The following ABCA13 variants were observed in gnomAD, a reference collection of about 807,000 sequenced individuals.
ABCA13 encodes the protein ATP binding cassette subfamily A member 13, also known as ATP-binding cassette sub-family A member 13.
In ABCA13, 476 loss-of-function variants were observed where a neutral mutation model predicts 478.7. The ratio of observed to expected loss-of-function variants is 0.99; its 90% CI spans 0.92 to 1.07. The LOEUF is 1.07. Among genes scored for constraint, ABCA13 ranks in the 50% least tolerant of loss-of-function variants. The probability of loss-of-function intolerance (pLI) is 0.00; values close to 1 mark genes in which losing one functional copy is unlikely to be tolerated. For synonymous variants in ABCA13, 2,252 were observed against 2,158.9 expected, an observed-to-expected ratio of 1.04 and a Z score of -1.20; for missense variants, 6,060 against 5,910.6, an observed-to-expected ratio of 1.03 and a Z score of -0.83.
In ABCA13 at chr7:48,507,866, C is replaced by T; in HGVS notation, c.13347-6C>T. The T allele has an allele frequency of 6.3e-7, 1 of 1,599,680 alleles. No individual in the cohort carries two copies. The highest frequency in any genetic ancestry group is 1.1e-5 in the South Asian group (1 of 88,842). On this transcript the variant is annotated splice_polypyrimidine_tract_variant and splice_region_variant and intron_variant, in intron 49 of 61. Coordinates refer to ENST00000435803, the MANE Select transcript of ABCA13 (RefSeq NM_152701.5). ...GTGCCTGAGAGCTGCTCTGTTCCACCCGCAGCCTGGAGAGCATCCGTCAGT... is the reference window on the plus strand; with the variant it reads ...GTGCCTGAGAGCTGCTCTGTTCCACTCGCAGCCTGGAGAGCATCCGTCAGT...
At chr7:48,444,997 C>T (rs1290261703) in intron 42 of ABCA13, among the ~76,000 whole-genome samples, 8 of 141,298 alleles carry the variant, frequency 5.7e-5, no homozygotes, top group African/African-American at 2.2e-4. Flanking sequence ...CTTTCTTTCT[C>T]TCTTTCTTTC....
At chr7:48,263,696 G>A (rs893207235) in intron 15 of ABCA13, among the ~76,000 whole-genome samples, 1 of 151,114 alleles carries the variant, frequency 6.6e-6, no homozygotes, top group Non-Finnish European at 1.5e-5. Flanking sequence ...CAGGGAATTT[G>A]ATATGGAAGA....
chr7:48,293,096 C>A (rs889316341), intron 20 of ABCA13, among the ~76,000 whole-genome samples: 4 of 151,910 alleles, frequency 2.6e-5, no homozygotes, highest in Non-Finnish European at 5.9e-5. Flanking sequence ...TAGTTCCCCC[C>A]ACAGTGAGAT....
At chr7:48,234,176 C>T (rs1418121973) in intron 8 of ABCA13, 25 bp downstream of exon 8, 6 of 1,613,672 alleles carry the variant, frequency 3.7e-6, no homozygotes, top group Non-Finnish European at 3.4e-6. Context: ...CTGCTTCTCA[C>T]ACCGCTGGGC....
At chr7:48,450,697 AT>A (rs993700316) in intron 42 of ABCA13, among the ~76,000 whole-genome samples, 95 of 152,030 alleles carry the variant, frequency 6.2e-4, no homozygotes, top group African/African-American at 2.1e-3. Flanking sequence ...ACCCTCCCTC[AT>A]TTTTTGGTTA....
chr7:48,218,042 AT>A (rs1200760314), intron 3 of ABCA13, among the ~76,000 whole-genome samples: 1 of 152,098 alleles, frequency 6.6e-6, no homozygotes, highest in Admixed American at 6.5e-5. Context: ...TTTAATCAGG[AT>A]TTTCTATGTA....
At chr7:48,460,744 G>A (rs965976210) in intron 43 of ABCA13, among the ~76,000 whole-genome samples, 2 of 152,194 alleles carry the variant, frequency 1.3e-5, no homozygotes, top group African/African-American at 4.8e-5. Flanking sequence ...ATCACTTGGT[G>A]TTCTGTAAAA....
intron 58 of ABCA13, among the ~76,000 whole-genome samples, chr7:48,612,470 T>A (rs987709688): frequency 6.6e-6 from 1 of 152,224 alleles, no homozygotes; most frequent in African/African-American, 2.4e-5. Context: ...ACAGTCATAC[T>A]TTTTTGTGTG....
chr7:48,338,392 A>C lies in ABCA13; in HGVS notation c.10141A>C (p.Asn3381His). Reference protein sequence around the residue: ...QEALRNKFVRNFVENQLHIDV... With the variant: ...QEALRNKFVRHFVENQLHIDV... The stretch of plus-strand genomic sequence containing the variant: ...GGCCCTGAGAAACAAATTTGTAAGA[A>C]ACTTTGTAGAAAACCAGTTGCACAT... Residue 3381 changes from asparagine (N) to histidine (H), a missense_variant, in exon 29 of 62, where the codon AAC becomes CAC. By Grantham distance (68) the Asn-to-His change is moderately conservative. Coordinates refer to ENST00000435803, the MANE Select transcript of ABCA13 (RefSeq NM_152701.5). 1 of 1,601,116 alleles carries C rather than the reference A, an allele frequency of 6.2e-7. No homozygotes were observed. Among genetic ancestry groups the C allele is most frequent in the South Asian group, 1.1e-5 (1 of 87,956 alleles).
chr7:48,320,513 C>T (rs533026505), intron 27 of ABCA13, among the ~76,000 whole-genome samples: 2 of 152,258 alleles, frequency 1.3e-5, no homozygotes, highest in East Asian at 3.9e-4. Flanking sequence ...ATTTCCATGT[C>T]ATTAGTCAAG....
At position 48,276,572 on chromosome 7, in the gene ABCA13, A is replaced by C; in HGVS notation, c.6899+7A>C. The C allele has an allele frequency of 6.2e-7, 1 of 1,608,634 alleles. No individual in the cohort carries two copies. The highest frequency in any genetic ancestry group is 8.5e-7 in the Non-Finnish European group (1 of 1,177,708). On this transcript the variant is annotated splice_region_variant and intron_variant, in intron 17 of 61. Coordinates refer to ENST00000435803, the MANE Select transcript of ABCA13 (RefSeq NM_152701.5). ...ATGTTATTGCAGAGATGAGGTGAGT[A>C]TACTTTTGCTTTGTGTCATATATGC...
rs748159899 is a variant in ABCA13 at position 48,274,953 on chromosome 7, A to G, written c.5287A>G (p.Lys1763Glu). Residue 1763 changes from lysine (K) to glutamate (E), a missense_variant, in exon 17 of 62, where the codon AAA (lysine) becomes GAA (glutamate). Physicochemically the swap from Lys to Glu is moderately conservative, Grantham distance 56. Coordinates refer to ENST00000435803, the MANE Select transcript of ABCA13 (RefSeq NM_152701.5). ...AAGGCTCCTGCAGGGAGTACCTGGT[A>G]AAAACATCACTGAAGGCCTCAAGGA... ...AVRLLQGVPG[K>E]NITEGLKDVY... 2 of 1,613,826 alleles carry G rather than the reference A, an allele frequency of 1.2e-6. No individual in the cohort carries two copies. The highest frequency in any genetic ancestry group is 1.7e-6 in the Non-Finnish European group (2 of 1,179,712).
chr7:48,511,452 A>G (rs749939530), intron 51 of ABCA13, among the ~76,000 whole-genome samples: 1 of 152,138 alleles, frequency 6.6e-6, no homozygotes, highest in South Asian at 2.1e-4. Flanking sequence ...CTGTTTGACA[A>G]ACTTGTGCAG....
In ABCA13 at chr7:48,376,410, G is replaced by A. The variant is rs574753240; in HGVS notation, c.11204-31G>A. On this transcript the variant is annotated intron_variant, in intron 34 of 61. Transcript: ENST00000435803. ...AATCTACCATAAAAGAGCTTGTGCA[G>A]TTCTAACTCTGACCTTTTTCTTCCT... 8.7e-6 allele frequency: 14 copies of A among 1,610,380 alleles called. No individual in the cohort carries two copies. The African/African-American group carries it at 1.7e-4, about 20-fold the overall frequency.
At chr7:48,194,583 G>A (rs1331455472) in intron 2 of ABCA13, among the ~76,000 whole-genome samples, 1 of 152,104 alleles carries the variant, frequency 6.6e-6, no homozygotes, top group Non-Finnish European at 1.5e-5. Flanking sequence ...AGAAATAGTG[G>A]CCTGCTTTGT....
In ABCA13 at chr7:48,419,783, C is replaced by T. The variant is rs141433304; in HGVS notation, c.12459+7200C>T. Reference sequence around the variant, plus strand: ...TTGATTTACTAGATTTTACGTATCTCTCTTTTTCCACATCTCTCACACACA... The same window carrying T: ...TTGATTTACTAGATTTTACGTATCTTTCTTTTTCCACATCTCTCACACACA... On this transcript the variant is annotated intron_variant, in intron 41 of 61. Coordinates refer to ENST00000435803, the MANE Select transcript of ABCA13 (RefSeq NM_152701.5). Among the ~76,000 whole-genome samples, 115 of 152,252 alleles carry T rather than the reference C, an allele frequency of 7.6e-4. 3 individuals carry two copies. The highest frequency in any genetic ancestry group is 2.6e-3 in the African/African-American group (109 of 41,556).
chr7:48,449,704 T>A (rs543873707), intron 42 of ABCA13, among the ~76,000 whole-genome samples: 10 of 152,248 alleles, frequency 6.6e-5, no homozygotes, highest in African/African-American at 2.2e-4. Flanking sequence ...TCTATTTCCC[T>A]GACTTGGTGA....
chr7:48,458,444 C>T (rs569374799), intron 43 of ABCA13, among the ~76,000 whole-genome samples: 2 of 152,278 alleles, frequency 1.3e-5, no homozygotes, highest in South Asian at 2.1e-4. Flanking sequence ...GGGTAACTCC[C>T]TGTTGATAGA....
At position 48,249,283 on chromosome 7, in the gene ABCA13, T is replaced by C; in HGVS notation, c.1937T>C (p.Phe646Ser). ...TATTATTGGAAAGCCTTCAAAAAGT[T>C]TATCAGGAAGACTTGCGAAGTGGCC... ...QAYYWKAFKK[F>S]IRKTCEVAQY... Residue 646 changes from phenylalanine (F) to serine (S), a missense_variant, in exon 15 of 62, where the codon TTT becomes TCT. By Grantham distance (155) the Phe-to-Ser change is radical. Around this residue, in one of 3 missense-constraint regions of ABCA13, gnomAD observed 4,423 missense variants for 4,309.1 expected, o/e 1.03. Coordinates refer to ENST00000435803, the MANE Select transcript of ABCA13 (RefSeq NM_152701.5). The C allele has an allele frequency of 6.2e-7, 1 of 1,613,464 alleles. No individual in the cohort carries two copies. Among genetic ancestry groups the C allele is most frequent in the Non-Finnish European group, 8.5e-7 (1 of 1,179,540 alleles).
Sources: gnomAD v4.1 joint callset for allele counts (sites outside exome capture counted in the v4.1 genomes callset) on GRCh38, gnomAD v4.1.1 for gene constraint, gnomAD v4.1.1 regional missense constraint, MANE v1.5 for transcripts, NCBI Gene and HGNC (gene_info 2026-07-23, HGNC 2026-07-21) for gene names.